Variants in MDGA2 observed in about 807,000 individuals in gnomAD.
The protein encoded by MDGA2 is MAM domain containing glycosylphosphatidylinositol anchor 2.
A neutral mutation model predicts 117.8 loss-of-function variants in MDGA2; 40 were observed. That is an observed-to-expected ratio of 0.34 (90% CI 0.26 to 0.44). The LOEUF is 0.44. Among genes scored for constraint, MDGA2 ranks in the 20% least tolerant of loss-of-function variants. The pLI is 1.00. For missense variants in MDGA2, 1,123 were observed against 1,250.6 expected (o/e 0.90, Z 1.54); for synonymous variants, 452 against 439.0 (o/e 1.03, Z -0.37).
intron 8 of MDGA2, among the ~76,000 whole-genome samples, chr14:46,974,989 T>A (rs1368085066): frequency 6.6e-6 from 1 of 151,714 alleles, no homozygotes; most frequent in Non-Finnish European, 1.5e-5. Context: ...GGATAAAAAC[T>A]CCTAAAACTC....
chr14:47,567,864 AC>A (rs923598049), intron 1 of MDGA2, among the ~76,000 whole-genome samples: 1 of 152,020 alleles, frequency 6.6e-6, no homozygotes, highest in African/African-American at 2.4e-5. Flanking sequence ...GCTGAAATTC[AC>A]TATGAATTGT....
At chr14:47,520,979 C>G (rs1341339448) in intron 1 of MDGA2, among the ~76,000 whole-genome samples, 1 of 152,160 alleles carries the variant, frequency 6.6e-6, no homozygotes, top group Non-Finnish European at 1.5e-5. Context: ...TATTTCTTTT[C>G]TAATGCTTAT....
chr14:47,382,895 A>T (rs1891668837), intron 1 of MDGA2, among the ~76,000 whole-genome samples: 2 of 152,222 alleles, frequency 1.3e-5, no homozygotes, highest in South Asian at 4.1e-4. Context: ...CTATAAAGAC[A>T]CATGCACATG....
chr14:46,847,565 C>T (rs1471318263), intron 15 of MDGA2, among the ~76,000 whole-genome samples: 1 of 151,800 alleles, frequency 6.6e-6, no homozygotes, highest in African/African-American at 2.4e-5. Context: ...TTTAAAAAGT[C>T]TCAGAAGACT....
intron 5 of MDGA2, among the ~76,000 whole-genome samples, chr14:47,114,527 C>G (rs921974847): frequency 6.6e-6 from 1 of 152,070 alleles, no homozygotes; most frequent in East Asian, 1.9e-4. Flanking sequence ...AACTATACTA[C>G]AAGGTTACAG....
intron 9 of MDGA2, among the ~76,000 whole-genome samples, chr14:46,945,186 T>A (rs545156371): frequency 6.6e-5 from 10 of 152,144 alleles, no homozygotes; most frequent in Non-Finnish European, 1.5e-4. Flanking sequence ...TAAAAAGTGA[T>A]GAAATCTGTG....
At chr14:47,518,946 G>A (rs1894811496) in intron 1 of MDGA2, among the ~76,000 whole-genome samples, 1 of 152,164 alleles carries the variant, frequency 6.6e-6, no homozygotes, top group Non-Finnish European at 1.5e-5. Context: ...GCTCATACCT[G>A]TAATCCCAGC....
chr14:47,469,969 G>C (rs1893686916), intron 1 of MDGA2, among the ~76,000 whole-genome samples: 1 of 152,046 alleles, frequency 6.6e-6, no homozygotes, highest in Non-Finnish European at 1.5e-5. Context: ...ATAAAAGAAA[G>C]GTAAAATGTC....
intron 1 of MDGA2, among the ~76,000 whole-genome samples, chr14:47,429,131 A>G (rs1052170658): frequency 6.6e-6 from 1 of 151,828 alleles, no homozygotes; most frequent in South Asian, 2.1e-4. Flanking sequence ...AAGCTGAGAC[A>G]TGAGAATCAC....
chr14:47,281,696 T>C (rs916451878), intron 2 of MDGA2, among the ~76,000 whole-genome samples: 1 of 152,176 alleles, frequency 6.6e-6, no homozygotes, highest in Non-Finnish European at 1.5e-5. Context: ...TTTTTAGGTG[T>C]TGTAAAATGC....
intron 6 of MDGA2, among the ~76,000 whole-genome samples, chr14:47,086,040 A>G (rs1294103915): frequency 1.3e-5 from 2 of 151,908 alleles, no homozygotes; most frequent in East Asian, 3.9e-4. Flanking sequence ...CATGTCTTAA[A>G]TGTATAGTTT....
At chr14:47,236,089 G>A (rs1458355303) in intron 2 of MDGA2, among the ~76,000 whole-genome samples, 1 of 151,968 alleles carries the variant, frequency 6.6e-6, no homozygotes, top group Non-Finnish European at 1.5e-5. Context: ...TCAGGAGATC[G>A]AGACCATTTT....
intron 1 of MDGA2, among the ~76,000 whole-genome samples, chr14:47,356,610 A>T (rs905203301): frequency 1.3e-5 from 2 of 152,130 alleles, no homozygotes; most frequent in Non-Finnish European, 2.9e-5. Flanking sequence ...ATACTGCCTG[A>T]ACCTATCTCA....
chr14:47,222,546 C>G (rs1270804605), intron 2 of MDGA2, among the ~76,000 whole-genome samples: 1 of 151,996 alleles, frequency 6.6e-6, no homozygotes, highest in Non-Finnish European at 1.5e-5. Context: ...GATAGTGCAA[C>G]TTTTTAAGTT....
intron 1 of MDGA2, among the ~76,000 whole-genome samples, chr14:47,601,226 A>G (rs1896642470): frequency 6.6e-6 from 1 of 152,176 alleles, no homozygotes; most frequent in Admixed American, 6.5e-5. Flanking sequence ...GGAGGCATGA[A>G]GAAAGTAGTG....
intron 3 of MDGA2, among the ~76,000 whole-genome samples, chr14:47,148,946 T>A (rs1883055654): frequency 6.6e-6 from 1 of 152,178 alleles, no homozygotes; most frequent in South Asian, 2.1e-4. Flanking sequence ...TCTCCATAGC[T>A]CTCTGTGATT....
intron 7 of MDGA2, among the ~76,000 whole-genome samples, chr14:47,045,147 T>C (rs1307756929): frequency 6.6e-6 from 1 of 152,292 alleles, no homozygotes; most frequent in South Asian, 2.1e-4. Context: ...GCATTCATAT[T>C]TTCCCTGCTA....
intron 9 of MDGA2, among the ~76,000 whole-genome samples, chr14:46,951,301 C>T (rs1357712101): frequency 6.6e-6 from 1 of 151,878 alleles, no homozygotes; most frequent in Non-Finnish European, 1.5e-5. Flanking sequence ...AAAAAGGACT[C>T]CTAGTGGCAG....
chr14:47,547,226 T>C (rs1174982303), intron 1 of MDGA2, among the ~76,000 whole-genome samples: 1 of 152,120 alleles, frequency 6.6e-6, no homozygotes, highest in Non-Finnish European at 1.5e-5. Context: ...AAAGACTGCA[T>C]CCAGTATATA....
Sources: allele counts gnomAD v4.1 joint callset (sites outside exome capture counted in the v4.1 genomes callset), GRCh38; gene constraint gnomAD v4.1.1; transcripts MANE v1.5; gene names NCBI Gene and HGNC (gene_info 2026-07-23, HGNC 2026-07-21).